ANO1: variants seen among roughly 807,000 people sequenced by gnomAD.
The protein encoded by ANO1 is anoctamin-1.
Under a neutral mutation model 124.0 loss-of-function variants are expected in ANO1, and 59 were observed. That is an observed-to-expected ratio of 0.48 (90% CI 0.39 to 0.59). ANO1 has a LOEUF of 0.59. Among genes scored for constraint, ANO1 ranks in the 20% least tolerant of loss-of-function variants. The probability of loss-of-function intolerance (pLI) is 0.00; values close to 1 mark genes in which losing one functional copy is unlikely to be tolerated. For missense variants in ANO1, 1,059 were observed against 1,328.0 expected (o/e 0.80, Z 3.15); for synonymous variants, 529 against 532.0 (o/e 0.99, Z 0.08).
chr11:70,041,013 G>T (rs1422383772), intron 1 of ANO1, among the ~76,000 whole-genome samples: 4 of 152,172 alleles, frequency 2.6e-5, no homozygotes, highest in Non-Finnish European at 4.4e-5. Context: ...GATGGACAGG[G>T]TTCAGGCACT....
At chr11:70,017,628 C>A (rs1035520481) in intron 1 of ANO1, among the ~76,000 whole-genome samples, 1 of 151,996 alleles carries the variant, frequency 6.6e-6, no homozygotes, top group African/African-American at 2.4e-5. Flanking sequence ...GAGCCTCCCA[C>A]CTCAGCCTTC....
intron 11 of ANO1, among the ~76,000 whole-genome samples, chr11:70,144,606 T>C (rs1347368900): frequency 6.6e-6 from 1 of 152,220 alleles, no homozygotes; most frequent in Non-Finnish European, 1.5e-5. Context: ...GAAGGGACCA[T>C]AGCCCAACTA....
At chr11:70,055,372 ATTTAAAATT>A (rs1555006708) in intron 1 of ANO1, among the ~76,000 whole-genome samples, 1 of 152,062 alleles carries the variant, frequency 6.6e-6, no homozygotes, top group Non-Finnish European at 1.5e-5. Flanking sequence ...TATATACATA[ATTTAAAATT>A]ATTATATCTT....
rs189565627 is a variant in ANO1 at position 70,150,488 on chromosome 11, G to A, written c.1341+696G>A. 5.1e-3 allele frequency among the ~76,000 whole-genome samples: 778 copies of A among 152,272 alleles called. 10 individuals are homozygous for A. The highest frequency in any genetic ancestry group is 6.8e-3 in the Non-Finnish European group (461 of 68,018). On this transcript the variant is annotated intron_variant, in intron 12 of 25. Transcript: ENST00000355303. Reference sequence around the variant, plus strand: ...GCACAACAGAGGCGACCTCATGCACGCGCTGTAAGGTGCAACCACACTGAC... The same window carrying A: ...GCACAACAGAGGCGACCTCATGCACACGCTGTAAGGTGCAACCACACTGAC...
At chr11:69,976,677 G>A in the ANO1 span, among the ~76,000 whole-genome samples, 6,837 of 152,136 alleles carry the variant, frequency 0.045, 292 homozygotes, top group Admixed American at 0.13. Context: ...CCAGCCCTGC[G>A]ACGCCTTGAT....
rs528496588 is a variant in ANO1 at position 70,012,426 on chromosome 11, C to A, written c.58+26260C>A. On this transcript the variant is annotated intron_variant, in intron 1 of 27. Transcript: ENST00000531349. ...TTCATCCATCCATCCACCCATTACT[C>A]CATCCATCTATCCATTCATTCATCT... Among the ~76,000 whole-genome samples, 26 of 148,828 alleles carry A rather than the reference C, an allele frequency of 1.7e-4. No individual in the cohort carries two copies. The East Asian group carries it at 5.0e-3, about 29-fold the overall frequency.
intron 1 of ANO1, among the ~76,000 whole-genome samples, chr11:70,025,857 ATGG>A (rs1234808879): frequency 8.0e-5 from 8 of 99,706 alleles, no homozygotes; most frequent in African/African-American, 2.4e-4. Flanking sequence ...GGTGGTGGTG[ATGG>A]TGATGATGAT....
At chr11:70,018,835 T>C (rs1856746326) in intron 1 of ANO1, among the ~76,000 whole-genome samples, 1 of 152,200 alleles carries the variant, frequency 6.6e-6, no homozygotes, top group Admixed American at 6.5e-5. Flanking sequence ...TCTGTTCATC[T>C]GGTGGGAATA....
rs747971120 is a variant in ANO1 at position 70,061,520 on chromosome 11, TTC to T, written c.59-17011_59-17010del. ...TTTCTCTCTCTCTCCCCTCCTCCCT[TTC>T]TCTCTCTCTCCTCCAGAATGTTGAG... On this transcript the variant is annotated intron_variant, in intron 1 of 27. Coordinates refer to the ANO1 transcript ENST00000531349. Among the ~76,000 whole-genome samples, 324 of 144,392 alleles carry T rather than the reference TTC, an allele frequency of 2.2e-3. 1 individual carries two copies. The highest frequency in any genetic ancestry group is 3.5e-3 in the Middle Eastern group (1 of 288). The allele number at this position is 144,392 out of a possible 152,430, so 94.7% of individuals were successfully genotyped here.
chr11:69,994,413 C>T (rs951967008), intron 1 of ANO1, among the ~76,000 whole-genome samples: 10 of 150,942 alleles, frequency 6.6e-5, no homozygotes, highest in Admixed American at 4.0e-4. Flanking sequence ...GATAGATGGA[C>T]GGATGGATGA....
the ANO1 span, among the ~76,000 whole-genome samples, chr11:69,976,526 AAAAAAAAAAAAAAAAAAAAAAAAAAAAAG>A: frequency 1.4e-4 from 3 of 21,166 alleles, no homozygotes; most frequent in Admixed American, 5.7e-4. Context: ...AAAAAAAAAA[AAAAAAAAAAAAAAAAAAAAAAAAAAAAAG>A]AGAGAGAGAG....
chr11:70,089,790 C>T (rs1329759630), intron 2 of ANO1, among the ~76,000 whole-genome samples: 2 of 152,228 alleles, frequency 1.3e-5, no homozygotes, highest in African/African-American at 4.8e-5. Flanking sequence ...TGGGTTTTCG[C>T]ACGGTCCTGC....
intron 1 of ANO1, among the ~76,000 whole-genome samples, chr11:70,067,972 G>C (rs1045116191): frequency 7.2e-5 from 11 of 151,992 alleles, no homozygotes; most frequent in African/African-American, 2.7e-4. Context: ...TGTGCCCTGG[G>C]CTCACAGCTT....
At chr11:70,169,256 C>T (rs866206235) in intron 21 of ANO1, among the ~76,000 whole-genome samples, 1 of 152,122 alleles carries the variant, frequency 6.6e-6, no homozygotes, top group Admixed American at 6.5e-5. Flanking sequence ...CTGGAGCAGG[C>T]GCCTCCTGCC....
chr11:69,987,768 A>T (rs1856075598), intron 1 of ANO1, among the ~76,000 whole-genome samples: 1 of 151,944 alleles, frequency 6.6e-6, no homozygotes, highest in Admixed American at 6.6e-5. Flanking sequence ...ATGAGGGTGT[A>T]CTCTGGAGGC....
At chr11:70,058,085 G>A (rs1555007174) in intron 1 of ANO1, among the ~76,000 whole-genome samples, 2 of 152,110 alleles carry the variant, frequency 1.3e-5, no homozygotes, top group Non-Finnish European at 2.9e-5. Context: ...GTTGGAAGGA[G>A]CATTTGTTGT....
chr11:70,073,474 G>A (rs375870012), upstream of ANO1, among the ~76,000 whole-genome samples: 6 of 152,096 alleles, frequency 3.9e-5, no homozygotes, highest in Non-Finnish European at 7.3e-5. Context: ...TAAGCGCTGC[G>A]CAGCTGCTTG....
intron 1 of ANO1, among the ~76,000 whole-genome samples, chr11:70,019,909 C>T (rs781998783): frequency 9.9e-5 from 15 of 152,266 alleles, no homozygotes; most frequent in Non-Finnish European, 2.2e-4. Flanking sequence ...GCCCAGCCAG[C>T]CCCAGGCTGA....
chr11:70,104,314 A>C (rs2045400843), intron 4 of ANO1, among the ~76,000 whole-genome samples, 164 bp downstream of exon 4: 1 of 152,192 alleles, frequency 6.6e-6, no homozygotes, highest in African/African-American at 2.4e-5. Context: ...AATGATTTCT[A>C]AGATCACCGT....
Sources: allele counts gnomAD v4.1 joint callset (sites outside exome capture counted in the v4.1 genomes callset), GRCh38; gene constraint gnomAD v4.1.1; transcripts MANE v1.5; gene names NCBI Gene and HGNC (gene_info 2026-07-23, HGNC 2026-07-21).